The following ANKS1B variants were observed in gnomAD, a reference collection of about 807,000 sequenced individuals.
The protein encoded by ANKS1B is ankyrin repeat and sterile alpha motif domain-containing protein 1B.
A neutral mutation model predicts 148.3 loss-of-function variants in ANKS1B; 36 were observed. The ratio of observed to expected loss-of-function variants is 0.24; its 90% CI spans 0.19 to 0.32. The LOEUF is 0.32. ANKS1B is among the 10% of genes least tolerant of loss of function. The pLI is 1.00. For synonymous variants in ANKS1B, 542 were observed against 560.8 expected (o/e 0.97, Z 0.47); for missense variants, 1,157 against 1,542.6 (o/e 0.75, Z 4.19).
rs2097200553 is a variant in ANKS1B, at chr12:99,549,612, T to C, written c.1273-44971A>G. Among the ~76,000 whole-genome samples, 3 of 152,216 alleles carry C rather than the reference T, an allele frequency of 2.0e-5. No individual in the cohort carries two copies. The South Asian group carries it at 6.2e-4, about 31-fold the overall frequency. On this transcript the variant is annotated intron_variant, in intron 9 of 26. Transcript: ENST00000683438. ...TACATGGAATGCTTGACAAGCAAGC[T>C]GTTAACCAAACCAGTGGTTTGCTTA...
intron 15 of ANKS1B, among the ~76,000 whole-genome samples, chr12:99,123,402 C>A (rs1017503122): frequency 3.9e-5 from 6 of 152,108 alleles, no homozygotes; most frequent in African/African-American, 1.4e-4. Flanking sequence ...CAGGACCAGC[C>A]AGGAGACCTG....
intron 9 of ANKS1B, among the ~76,000 whole-genome samples, chr12:99,522,911 G>C (rs1198384838): frequency 6.6e-5 from 10 of 152,166 alleles, no homozygotes; most frequent in Admixed American, 5.9e-4. Context: ...GGCTGTGCAA[G>C]GTCTTATTCA....
At chr12:99,576,558 A>T (rs2097522286) in intron 9 of ANKS1B, among the ~76,000 whole-genome samples, 1 of 152,136 alleles carries the variant, frequency 6.6e-6, no homozygotes, top group Non-Finnish European at 1.5e-5. Context: ...CACAGTAAAA[A>T]TAGAAATCAA....
intron 17 of ANKS1B, among the ~76,000 whole-genome samples, chr12:98,888,999 A>G (rs1054902738): frequency 6.6e-6 from 1 of 152,194 alleles, no homozygotes; most frequent in African/African-American, 2.4e-5. Flanking sequence ...TCTCCACTCA[A>G]TGGATACACA....
intron 17 of ANKS1B, among the ~76,000 whole-genome samples, chr12:98,907,996 T>C (rs1355331542): frequency 6.6e-6 from 1 of 152,158 alleles, no homozygotes; most frequent in Non-Finnish European, 1.5e-5. Flanking sequence ...CTTTATAAAT[T>C]ACCCGGTCTC....
rs56965572 is a variant in ANKS1B, at chr12:99,052,734, C to CAA, written c.2778+421_2778+422dup. Among the ~76,000 whole-genome samples the CAA allele has an allele frequency of 4.5e-3, 117 of 25,876 alleles. 13 individuals are homozygous for CAA. The highest frequency in any genetic ancestry group is 0.031 in the Middle Eastern group (1 of 32). 17.0% of individuals were successfully genotyped at this position (25,876 alleles called of 152,430 possible). On this transcript the variant is annotated intron_variant, in intron 17 of 26. Transcript: ENST00000683438. Reference sequence around the variant, plus strand: ...TGGGCGACAGAGCGAGACTCCGTCTCAAAAAAAAAAAAAAAAAAAAAAAAG... The same window carrying CAA: ...TGGGCGACAGAGCGAGACTCCGTCTCAAAAAAAAAAAAAAAAAAAAAAAAAAG...
intron 18 of ANKS1B, 120 bp downstream of exon 18, chr12:98,831,909 C>G (rs2099319548): frequency 1.1e-6 from 1 of 898,734 alleles, no homozygotes. Context: ...ACAACCACAC[C>G]TGGCTAAATT....
chr12:99,164,976 T>C (rs1307130631), intron 14 of ANKS1B, among the ~76,000 whole-genome samples: 1 of 152,072 alleles, frequency 6.6e-6, no homozygotes, highest in Non-Finnish European at 1.5e-5. Context: ...CTGTTTCCAT[T>C]TGTTTGTAGT....
intron 12 of ANKS1B, among the ~76,000 whole-genome samples, chr12:99,308,141 G>C (rs903587592): frequency 1.3e-5 from 2 of 151,956 alleles, no homozygotes; most frequent in East Asian, 3.9e-4. Flanking sequence ...TTAAAAAATG[G>C]ATTTAAATAT....
intron 8 of ANKS1B, among the ~76,000 whole-genome samples, chr12:99,662,512 A>C (rs1159336396): frequency 2.0e-5 from 3 of 152,210 alleles, no homozygotes; most frequent in Admixed American, 6.5e-5. Context: ...TGAATGAATG[A>C]ATGCCAGCTT....
At chr12:99,384,530 G>C (rs2093778787) in intron 12 of ANKS1B, among the ~76,000 whole-genome samples, 1 of 151,212 alleles carries the variant, frequency 6.6e-6, no homozygotes, top group Admixed American at 6.6e-5. Flanking sequence ...TTCATAGTAA[G>C]TGGCAAACTA....
chr12:99,945,353 GAAA>G (rs11289819), intron 1 of ANKS1B, among the ~76,000 whole-genome samples: 2 of 130,694 alleles, frequency 1.5e-5, no homozygotes, highest in Admixed American at 7.9e-5. Context: ...TGTAAAACCA[GAAA>G]AAAAAAAAAA....
intron 15 of ANKS1B, among the ~76,000 whole-genome samples, chr12:99,117,102 T>G (rs2061599000): frequency 6.6e-6 from 1 of 152,222 alleles, no homozygotes; most frequent in Non-Finnish European, 1.5e-5. Flanking sequence ...GATTTTGGGC[T>G]GAGATGATGG....
At chr12:99,439,551 AG>A (rs1403583778) in intron 11 of ANKS1B, among the ~76,000 whole-genome samples, 1 of 151,818 alleles carries the variant, frequency 6.6e-6, no homozygotes, top group Non-Finnish European at 1.5e-5. Context: ...CCACAGAAAA[AG>A]GTAGTCATGA....
intron 10 of ANKS1B, among the ~76,000 whole-genome samples, chr12:99,445,227 T>A (rs942581771): frequency 6.6e-6 from 1 of 151,964 alleles, no homozygotes; most frequent in African/African-American, 2.4e-5. Flanking sequence ...CTCCAACCTA[T>A]CCCTTCCTTC....
chr12:99,522,840 T>C (rs192437930), intron 9 of ANKS1B, among the ~76,000 whole-genome samples: 2 of 152,304 alleles, frequency 1.3e-5, no homozygotes, highest in East Asian at 3.9e-4. Flanking sequence ...TTGGGAATGA[T>C]CTGGCTTCAC....
intron 1 of ANKS1B, among the ~76,000 whole-genome samples, chr12:99,894,314 AGGG>A (rs1565945094): frequency 1.4e-4 from 6 of 44,228 alleles, no homozygotes; most frequent in Admixed American, 2.6e-4. Flanking sequence ...GGAGGGAGGG[AGGG>A]AGGGAGGGAG....
chr12:99,057,151 C>T (rs1052599740), intron 16 of ANKS1B, among the ~76,000 whole-genome samples: 2 of 152,190 alleles, frequency 1.3e-5, no homozygotes, highest in Non-Finnish European at 2.9e-5. Flanking sequence ...ACATTCCCAG[C>T]AGTGCTACGT....
chr12:99,205,009 A>C (rs1441755226), intron 14 of ANKS1B, among the ~76,000 whole-genome samples: 1 of 152,194 alleles, frequency 6.6e-6, no homozygotes, highest in Non-Finnish European at 1.5e-5. Flanking sequence ...AATCAGTGTT[A>C]AAGATAATGT....
Sources: gnomAD v4.1 joint callset for allele counts (sites outside exome capture counted in the v4.1 genomes callset) on GRCh38, gnomAD v4.1.1 for gene constraint, MANE v1.5 for transcripts, NCBI Gene and HGNC (gene_info 2026-07-23, HGNC 2026-07-21) for gene names.